Variants in RDX observed in about 807,000 individuals in gnomAD.
RDX encodes radixin.
A neutral mutation model predicts 83.7 loss-of-function variants in RDX; 32 were observed. The ratio of observed to expected loss-of-function variants is 0.38; its 90% CI spans 0.29 to 0.51. RDX has a LOEUF of 0.51. Among genes scored for constraint, RDX ranks in the 20% least tolerant of loss-of-function variants. RDX has a pLI of 0.87. For missense variants in RDX, 600 were observed against 689.9 expected, an observed-to-expected ratio of 0.87 and a Z score of 1.46; for synonymous variants, 229 against 222.7, an observed-to-expected ratio of 1.03 and a Z score of -0.25.
At chr11:110,266,572 A>G (rs1301374824) in intron 3 of RDX, among the ~76,000 whole-genome samples, 1 of 145,518 alleles carries the variant, frequency 6.9e-6, no homozygotes, top group Non-Finnish European at 1.5e-5. Flanking sequence ...GTTTTTGCTT[A>G]TTTTTTTTTT....
At chr11:110,292,283 A>ACCCT (rs1469077366) in intron 1 of RDX, among the ~76,000 whole-genome samples, 1 of 150,692 alleles carries the variant, frequency 6.6e-6, no homozygotes, top group Non-Finnish European at 1.5e-5. Flanking sequence ...ACAGAGCGAG[A>ACCCT]CCCTGTCTTG....
At position 110,256,040 on chromosome 11, in the gene RDX, C is replaced by A. The variant is rs375547203; in HGVS notation, c.699-655G>T. ...CAGTTGACTCCGTTTTACCACCCTA[C>A]ACACAAAGATATAGGGAATCATATT... On this transcript the variant is annotated intron_variant, in intron 7 of 13. Coordinates refer to ENST00000645495, the MANE Select transcript of RDX (RefSeq NM_002906.4). 9.3e-4 allele frequency among the ~76,000 whole-genome samples: 141 copies of A among 152,308 alleles called. 1 individual carries two copies. The highest frequency in any genetic ancestry group is 3.1e-3 in the African/African-American group (130 of 41,564).
chr11:110,278,606 A>T (rs1860612837), intron 2 of RDX, among the ~76,000 whole-genome samples: 1 of 152,120 alleles, frequency 6.6e-6, no homozygotes, highest in Admixed American at 6.5e-5. Flanking sequence ...ATCTTGCTAA[A>T]TTCAGTTATT....
chr11:110,228,180 TA>T (rs1364551526), downstream of RDX, among the ~76,000 whole-genome samples: 1 of 152,096 alleles, frequency 6.6e-6, no homozygotes, highest in Non-Finnish European at 1.5e-5. Flanking sequence ...AAGAATGTGT[TA>T]ATCTTTAACA....
downstream of RDX, among the ~76,000 whole-genome samples, chr11:110,226,458 C>T (rs1864439368): frequency 6.6e-6 from 1 of 152,058 alleles, no homozygotes; most frequent in Non-Finnish European, 1.5e-5. Context: ...GAACAGTGGT[C>T]ACCAAGGACT....
At chr11:110,291,077 T>C (rs1161967720) in intron 1 of RDX, among the ~76,000 whole-genome samples, 1 of 152,120 alleles carries the variant, frequency 6.6e-6, no homozygotes, top group African/African-American at 2.4e-5. Flanking sequence ...TGCAGTTGCC[T>C]GCACTTTAGG....
intron 15 of RDX, among the ~76,000 whole-genome samples, chr11:110,196,346 C>T (rs958103679): frequency 1.3e-5 from 2 of 152,100 alleles, no homozygotes; most frequent in Non-Finnish European, 2.9e-5. Flanking sequence ...GAATGGAATG[C>T]CAGTGAGGAA....
At chr11:110,275,738 G>C (rs1860486683) in intron 2 of RDX, among the ~76,000 whole-genome samples, 1 of 145,364 alleles carries the variant, frequency 6.9e-6, no homozygotes, top group African/African-American at 2.5e-5. Flanking sequence ...TTTTAATGTT[G>C]AATTTATAAA....
chr11:110,189,043 A>G (rs1863046431), intron 15 of RDX, among the ~76,000 whole-genome samples: 1 of 152,024 alleles, frequency 6.6e-6, no homozygotes, highest in Non-Finnish European at 1.5e-5. Flanking sequence ...CCACGTAAAA[A>G]GCACAGAGTG....
intron 1 of RDX, 149 bp downstream of exon 1, chr11:110,296,318 G>A (rs1047917733): frequency 6.6e-5 from 10 of 151,894 alleles, no homozygotes; most frequent in African/African-American, 1.7e-4. Context: ...GTGGCGCCTC[G>A]GCCAGCTGGG....
chr11:110,240,823 G>C (rs1164122679), intron 10 of RDX, among the ~76,000 whole-genome samples: 1 of 151,266 alleles, frequency 6.6e-6, no homozygotes, highest in Non-Finnish European at 1.5e-5. Context: ...GGGAGGCCGA[G>C]GTGGGCAGAT....
At chr11:110,215,106 A>T (rs1863993586) in intron 14 of RDX, among the ~76,000 whole-genome samples, 1 of 149,528 alleles carries the variant, frequency 6.7e-6, no homozygotes, top group Admixed American at 6.7e-5. Flanking sequence ...TATGCCTGTG[A>T]TCCCAGCACT....
intron 14 of RDX, among the ~76,000 whole-genome samples, chr11:110,201,379 G>A (rs1863395420): frequency 6.6e-6 from 1 of 152,098 alleles, no homozygotes; most frequent in African/African-American, 2.4e-5. Flanking sequence ...GCATGAGAAA[G>A]GAGGATTTGG....
intron 2 of RDX, 99 bp from the exon 3 acceptor site, chr11:110,272,718 A>C (rs1860355578): frequency 5.0e-6 from 4 of 795,140 alleles, no homozygotes; most frequent in Non-Finnish European, 8.3e-6. Flanking sequence ...GTTTTATTTT[A>C]ATCACAAGAA....
chr11:110,295,425 G>C (rs1270264650), intron 1 of RDX, among the ~76,000 whole-genome samples: 1 of 151,416 alleles, frequency 6.6e-6, no homozygotes, highest in African/African-American at 2.4e-5. Flanking sequence ...TTTACATCCT[G>C]CCAGTCTTAG....
Position 110,264,766 on chromosome 11 carries a change from G to T in RDX, c.192+13C>A. On this transcript the variant is annotated intron_variant, in intron 4 of 13. Transcript: ENST00000645495. ...ACATAATTATTAGTTTAATGTTATC[G>T]TACATATTTTACCTTTTTATTTAGT... The T allele has an allele frequency of 2.0e-6, 3 of 1,533,704 alleles. No individual in the cohort carries two copies. Among genetic ancestry groups the T allele is most frequent in the Non-Finnish European group, 1.8e-6 (2 of 1,109,574 alleles).
In RDX at chr11:110,264,171, G is replaced by C. The variant is rs376418131; in HGVS notation, c.256C>G (p.Pro86Ala). The C allele has an allele frequency of 7.6e-5, 123 of 1,611,112 alleles. 2 individuals are homozygous for C. In the South Asian group the frequency reaches 8.0e-4, roughly 11 times the overall value. The part of the protein sequence containing the change: ...LQFKFRAKFF[P>A]EDVSEELIQE... ...ATTAATTCCTCAGAAACATCTTCAG[G>C]AAAGAATTTAGCTCTAAACTTGAAC... is the stretch of plus-strand genomic sequence containing the variant. Residue 86 changes from proline (P) to alanine (A), a missense_variant, in exon 5 of 14, where the codon CCT (proline) becomes GCT (alanine). By Grantham distance (27) the Pro-to-Ala change is conservative. Coordinates refer to ENST00000645495, the MANE Select transcript of RDX (RefSeq NM_002906.4).
chr11:110,268,231 C>T (rs1037399305), intron 3 of RDX, among the ~76,000 whole-genome samples: 22 of 150,800 alleles, frequency 1.5e-4, no homozygotes, highest in African/African-American at 5.4e-4. Context: ...TGCTTGAACC[C>T]GGGAGGCGGA....
At chr11:110,192,018 C>A (rs1863111650) in intron 15 of RDX, among the ~76,000 whole-genome samples, 1 of 152,146 alleles carries the variant, frequency 6.6e-6, no homozygotes, top group Admixed American at 6.5e-5. Flanking sequence ...TCATTTTTCA[C>A]AGAATTAGAA....
Sources: allele counts gnomAD v4.1 joint callset (sites outside exome capture counted in the v4.1 genomes callset), GRCh38; gene constraint gnomAD v4.1.1; transcripts MANE v1.5; gene names NCBI Gene and HGNC (gene_info 2026-07-23, HGNC 2026-07-21).